The following TRPV5 variants were observed in gnomAD, a reference collection of about 807,000 sequenced individuals.
TRPV5 encodes the protein calcium transport protein 2.
A neutral mutation model predicts 74.1 loss-of-function variants in TRPV5; 66 were observed. That is an observed-to-expected ratio of 0.89 (90% CI 0.73 to 1.09). The LOEUF (loss-of-function observed/expected upper bound fraction) is 1.09, where lower values mean the gene tolerates loss of function less well. Ranked by LOEUF, TRPV5 falls within the 50% of genes least tolerant of loss-of-function variation. TRPV5 has a pLI of 0.00. For missense variants in TRPV5, 936 were observed against 930.4 expected, an observed-to-expected ratio of 1.01 and a Z score of -0.08; for synonymous variants, 399 against 360.7, an observed-to-expected ratio of 1.11 and a Z score of -1.20.
Position 142,915,053 on chromosome 7 carries a change from G to A in TRPV5, c.1287-7C>T, listed in dbSNP as rs1368268041. On this transcript the variant is annotated splice_polypyrimidine_tract_variant and splice_region_variant and intron_variant, in intron 10 of 14. Transcript: ENST00000265310. Reference sequence around the variant, plus strand: ...CAGGGAGGCATAGGTGATGCTGGGGGAGCAGAAAGCAGAGAGTGAGAGACA... The same window carrying A: ...CAGGGAGGCATAGGTGATGCTGGGGAAGCAGAAAGCAGAGAGTGAGAGACA... 6 of 1,613,172 alleles carry A rather than the reference G, an allele frequency of 3.7e-6. No individual in the cohort carries two copies. Among genetic ancestry groups the A allele is most frequent in the Admixed American group, 1.7e-5 (1 of 59,910 alleles).
At chr7:142,933,277 T>C in intron 1 of TRPV5, 55 bp downstream of exon 1, 1 of 1,597,858 alleles carries the variant, frequency 6.3e-7, no homozygotes, top group South Asian at 1.1e-5. Context: ...CCCAGGTGGG[T>C]CAGAGGGTCT....
intron 8 of TRPV5, among the ~76,000 whole-genome samples, chr7:142,918,764 G>A (rs966866345): frequency 6.6e-6 from 1 of 152,222 alleles, no homozygotes; most frequent in African/African-American, 2.4e-5. Context: ...ACATGGGTGA[G>A]AAAGAGGGGC....
chr7:142,910,412 C>G (rs1366041920), intron 13 of TRPV5, among the ~76,000 whole-genome samples: 1 of 152,132 alleles, frequency 6.6e-6, no homozygotes, highest in African/African-American at 2.4e-5. Context: ...CTTTAGGTAC[C>G]CTTAGCATTA....
chr7:142,915,531 A>C lies in TRPV5; in HGVS notation c.1160T>G (p.Val387Gly). 6.2e-7 allele frequency: 1 copy of C among 1,614,144 alleles called. No homozygotes were observed. Among genetic ancestry groups the C allele is most frequent in the Non-Finnish European group, 8.5e-7 (1 of 1,180,022 alleles). ...CCCAACGATGCTCACCAGCTCCCCC[A>C]CCAGCCTGATGATATCTTCACGTGT... ...YETREDIIRL[V>G]GELVSIVGAV... is the part of the protein sequence containing the mutation. Residue 387 changes from valine to glycine, a missense_variant, in exon 9 of 15, where the codon GTG (valine) becomes GGG (glycine). Transcript: ENST00000265310.
intron 8 of TRPV5, among the ~76,000 whole-genome samples, chr7:142,917,478 T>TC (rs952429605): frequency 6.6e-6 from 1 of 152,186 alleles, no homozygotes; most frequent in African/African-American, 2.4e-5. Flanking sequence ...GCTGTGAAGA[T>TC]CAGGGTGCCC....
At position 142,928,682 on chromosome 7, in the gene TRPV5, G is replaced by A. The variant is rs373365443; in HGVS notation, c.762+9C>T. 3.5e-5 allele frequency: 57 copies of A among 1,611,768 alleles called. No individual in the cohort carries two copies. Among genetic ancestry groups the A allele is most frequent in the Non-Finnish European group, 4.4e-5 (52 of 1,178,930 alleles). On this transcript the variant is annotated intron_variant, in intron 6 of 14. Transcript: ENST00000265310. ...GAAAGACACCTCAGGGATGGGGAGC[G>A]TCTCTTACCACAGTGTTACCCTCCA...
At position 142,928,087 on chromosome 7, in the gene TRPV5, C is replaced by A. The variant is rs770340222; in HGVS notation, c.909+1G>T. The A allele has an allele frequency of 6.8e-6, 11 of 1,614,076 alleles. No homozygotes were observed. Among genetic ancestry groups the A allele is most frequent in the Non-Finnish European group, 3.4e-6 (4 of 1,180,044 alleles). Reference sequence around the variant, plus strand: ...GGCCTGATCCTCCTTGGCATCCATACCTCTCGTTTATCAGAGGAGACCACA... The same window carrying A: ...GGCCTGATCCTCCTTGGCATCCATAACTCTCGTTTATCAGAGGAGACCACA... On this transcript the variant is annotated splice_donor_variant, in intron 7 of 14. Coordinates refer to ENST00000265310, the MANE Select transcript of TRPV5 (RefSeq NM_019841.7). LOFTEE classifies it high-confidence loss of function.
At position 142,933,712 on chromosome 7, in the gene TRPV5, G is replaced by A. The variant is rs1796142764; in HGVS notation, c.-253C>T. ...TGTGCATGCAGTGTGTGGTTGTGAG[G>A]TGGTGTGTGTGCATGCAGGTGCGCT... On this transcript the variant is annotated 5_prime_UTR_variant, in exon 1 of 15. Transcript: ENST00000265310. 4.1e-6 allele frequency: 2 copies of A among 492,960 alleles called. No homozygotes were observed. Among genetic ancestry groups the A allele is most frequent in the Non-Finnish European group, 7.1e-6 (2 of 282,400 alleles). 30.5% of individuals were successfully genotyped at this position (492,960 alleles called of 1,614,324 possible). A position where few individuals can be genotyped will look rare whatever the true frequency, so the allele number is the denominator to read the frequency against.
intron 8 of TRPV5, among the ~76,000 whole-genome samples, chr7:142,920,411 G>A (rs1264631456): frequency 6.6e-6 from 1 of 152,182 alleles, no homozygotes; most frequent in Non-Finnish European, 1.5e-5. Flanking sequence ...GTATGAATCA[G>A]TATCTGGGGG....
In TRPV5 at chr7:142,933,327, C is replaced by A; in HGVS notation, c.128+5G>T. On this transcript the variant is annotated splice_donor_5th_base_variant and intron_variant, in intron 1 of 14. Coordinates refer to ENST00000265310, the MANE Select transcript of TRPV5 (RefSeq NM_019841.7). ...TAGGGCCACGGATCGTTCTAGGAAGCCTACCTCTTCTGCTGCAGCATATGA... is the reference window on the plus strand; with the variant it reads ...TAGGGCCACGGATCGTTCTAGGAAGACTACCTCTTCTGCTGCAGCATATGA... 2 of 1,613,056 alleles carry A rather than the reference C, an allele frequency of 1.2e-6. No homozygotes were observed. The highest frequency in any genetic ancestry group is 8.5e-7 in the Non-Finnish European group (1 of 1,179,818).
chr7:142,908,790 A>G lies in TRPV5; in HGVS notation c.1914T>C (p.Asp638=). The G allele has an allele frequency of 6.2e-7, 1 of 1,612,076 alleles. No homozygotes were observed. The highest frequency in any genetic ancestry group is 8.5e-7 in the Non-Finnish European group (1 of 1,179,400). ...RWFLRVENHN[D]QNPLRVLRYV... ...AGCGAAGCACTCGCAGAGGATTCTG[A>G]TCATTGTGGTTCTCAACCCTGATAA... The change falls in exon 15 of 15, where the codon GAT becomes GAC. Residue 638 remains aspartate, a synonymous_variant. Transcript: ENST00000265310.
chr7:142,916,378 C>T (rs1244104484), intron 8 of TRPV5, among the ~76,000 whole-genome samples: 1 of 152,182 alleles, frequency 6.6e-6, no homozygotes, highest in Non-Finnish European at 1.5e-5. Flanking sequence ...GAAACTTATG[C>T]AATATCACAG....
intron 1 of TRPV5, among the ~76,000 whole-genome samples, chr7:142,930,891 C>T (rs1796079207): frequency 1.3e-5 from 2 of 152,060 alleles, no homozygotes; most frequent in Admixed American, 6.5e-5. Context: ...CTGTCTTTAA[C>T]CAAGGGGAGT....
chr7:142,928,589 T>C, intron 6 of TRPV5, 102 bp downstream of exon 6: 1 of 1,449,240 alleles, frequency 6.9e-7, no homozygotes. Context: ...GGAAAAGGGA[T>C]TTTAGAGAAA....
intron 8 of TRPV5, among the ~76,000 whole-genome samples, chr7:142,921,051 G>T (rs1202701367): frequency 6.6e-6 from 1 of 152,224 alleles, no homozygotes; most frequent in Admixed American, 6.5e-5. Context: ...CAACAAAGTT[G>T]TATAGAGTTG....
In TRPV5 at chr7:142,909,533, T is replaced by A; in HGVS notation, c.1852A>T (p.Ile618Phe). Residue 618 changes from isoleucine to phenylalanine, a missense_variant, in exon 14 of 15, where the codon ATC becomes TTC. Physicochemically the swap from Ile to Phe is conservative, Grantham distance 21. Coordinates refer to ENST00000265310, the MANE Select transcript of TRPV5 (RefSeq NM_019841.7). ...CCCAGCCCGAATTCGCACCCACAGA[T>A]CCCGGAGCGAGGCCACAGGCAGCGA... ...LPRCLWPRSG[I>F]CGCEFGLGDR... 6.2e-7 allele frequency: 1 copy of A among 1,613,818 alleles called. No homozygotes were observed. Among genetic ancestry groups the A allele is most frequent in the Non-Finnish European group, 8.5e-7 (1 of 1,179,978 alleles).
In TRPV5 at chr7:142,933,502, A is replaced by T. The variant is rs1447129580; in HGVS notation, c.-43T>A. The T allele has an allele frequency of 1.3e-6, 2 of 1,598,286 alleles. No individual in the cohort carries two copies. Among genetic ancestry groups the T allele is most frequent in the African/African-American group, 2.7e-5 (2 of 74,320 alleles). ...ACTGGCAGATTATAGAAATGTGGCG[A>T]AAGAAACAGGTCTAGGATGACAGCA... On this transcript the variant is annotated 5_prime_UTR_variant, in exon 1 of 15. Transcript: ENST00000265310.
rs762831360 is a variant in TRPV5, at chr7:142,929,012, C to G, written c.586+10G>C. On this transcript the variant is annotated intron_variant, in intron 5 of 14. Coordinates refer to ENST00000265310, the MANE Select transcript of TRPV5 (RefSeq NM_019841.7). ...AGCATCCCAGCTCCCCTCCCCATCC[C>G]AGCTCTTACCCAGGGAGTCCTGGGC... 12 of 1,613,900 alleles carry G rather than the reference C, an allele frequency of 7.4e-6. No homozygotes were observed. The highest frequency in any genetic ancestry group is 1.0e-5 in the Non-Finnish European group (12 of 1,180,018).
chr7:142,927,801 C>T (rs11770025), intron 7 of TRPV5, among the ~76,000 whole-genome samples: 5 of 152,132 alleles, frequency 3.3e-5, no homozygotes, highest in Non-Finnish European at 7.3e-5. Context: ...CATATCAATG[C>T]TGAACCAATG....
Sources: gnomAD v4.1 joint callset for allele counts (sites outside exome capture counted in the v4.1 genomes callset) on GRCh38, gnomAD v4.1.1 for gene constraint, MANE v1.5 for transcripts, NCBI Gene and HGNC (gene_info 2026-07-23, HGNC 2026-07-21) for gene names.